PARD3: variants seen among roughly 807,000 people sequenced by gnomAD.
The protein encoded by PARD3 is par-3 family cell polarity regulator, also known as partitioning defective 3 homolog.
A neutral mutation model predicts 155.4 loss-of-function variants in PARD3; 75 were observed. The observed-to-expected ratio is 0.48, with a 90% CI of 0.40 to 0.58. The LOEUF (loss-of-function observed/expected upper bound fraction) is 0.58, where lower values mean the gene tolerates loss of function less well. Ranked by LOEUF, PARD3 falls within the 20% of genes least tolerant of loss-of-function variation. The probability of loss-of-function intolerance (pLI) is 0.00; values close to 1 mark genes in which losing one functional copy is unlikely to be tolerated. For synonymous variants in PARD3, 576 were observed against 610.5 expected, an observed-to-expected ratio of 0.94 and a Z score of 0.83; for missense variants, 1,642 against 1,721.7, an observed-to-expected ratio of 0.95 and a Z score of 0.82.
intron 5 of PARD3, among the ~76,000 whole-genome samples, chr10:34,446,823 C>T (rs938079022): frequency 2.0e-5 from 3 of 152,134 alleles, no homozygotes; most frequent in African/African-American, 7.2e-5. Context: ...TAATACCCTA[C>T]ATCCATGAAA....
At chr10:34,625,488 A>T (rs2132756886) in intron 2 of PARD3, among the ~76,000 whole-genome samples, 1 of 152,380 alleles carries the variant, frequency 6.6e-6, no homozygotes, top group Admixed American at 6.5e-5. Context: ...AGGTGGTTTT[A>T]GTCCATGCAC....
At position 34,521,714 on chromosome 10, in the gene PARD3, A is replaced by G. The variant is rs143078674; in HGVS notation, c.223-4555T>C. The stretch of plus-strand genomic sequence containing the variant: ...TACCTCAGGACAAGTCACTTTAACT[A>G]TGAAACATCAGAACCCCCCAACAGA... On this transcript the variant is annotated intron_variant, in intron 2 of 24. Transcript: ENST00000374788. Among the ~76,000 whole-genome samples the G allele has an allele frequency of 4.6e-5, 7 of 152,332 alleles. No homozygotes were observed. The East Asian group carries it at 1.2e-3, about 25-fold the overall frequency.
chr10:34,725,161 G>C (rs1378455838), intron 1 of PARD3, among the ~76,000 whole-genome samples: 2 of 150,690 alleles, frequency 1.3e-5, no homozygotes, highest in Non-Finnish European at 3.0e-5. Flanking sequence ...GACAGAGAGA[G>C]AGAGAGAGAG....
intron 2 of PARD3, among the ~76,000 whole-genome samples, chr10:34,597,473 G>T (rs1369476640): frequency 6.6e-6 from 1 of 151,676 alleles, no homozygotes; most frequent in Non-Finnish European, 1.5e-5. Context: ...TGTCACCCAG[G>T]CTGGAGTAGG....
At chr10:34,117,803 T>A (rs984522267) in intron 24 of PARD3, among the ~76,000 whole-genome samples, 1 of 152,082 alleles carries the variant, frequency 6.6e-6, no homozygotes, top group African/African-American at 2.4e-5. Flanking sequence ...CCCAGCTATT[T>A]GGGAGGCTAA....
At position 34,431,740 on chromosome 10, in the gene PARD3, C is replaced by CAAA. The variant is rs57001926; in HGVS notation, c.714+18574_714+18576dup. 6.3e-4 allele frequency among the ~76,000 whole-genome samples: 16 copies of CAAA among 25,200 alleles called. 1 individual carries two copies. The highest frequency in any genetic ancestry group is 1.8e-3 in the Admixed American group (2 of 1,088). The allele number at this position is 25,200 out of a possible 152,430, so 16.5% of individuals were successfully genotyped here. On this transcript the variant is annotated intron_variant, in intron 5 of 24. Transcript: ENST00000374788. ...GGGTGACAGGAGCAAAACTCTGTCTCAAAAAAAAAAAAAAAAAAAAAAAAA... is the reference window on the plus strand; with the variant it reads ...GGGTGACAGGAGCAAAACTCTGTCTCAAAAAAAAAAAAAAAAAAAAAAAAAAAA...
intron 18 of PARD3, 81 bp downstream of exon 18, chr10:34,336,118 C>G: frequency 1.0e-6 from 1 of 958,972 alleles, no homozygotes; most frequent in South Asian, 1.3e-5. Flanking sequence ...GTTTACATGG[C>G]ATATGATTGG....
intron 22 of PARD3, among the ~76,000 whole-genome samples, chr10:34,196,385 GA>G (rs1950934468): frequency 6.6e-6 from 1 of 152,000 alleles, no homozygotes; most frequent in African/African-American, 2.4e-5. Flanking sequence ...TAATATCTTG[GA>G]ATCTCCTTAT....
At chr10:34,586,694 C>A (rs142428247) in intron 2 of PARD3, among the ~76,000 whole-genome samples, 8 of 152,182 alleles carry the variant, frequency 5.3e-5, no homozygotes, top group Non-Finnish European at 8.8e-5. Context: ...GGCCTGTAAT[C>A]CCAACACTTT....
Position 34,482,032 on chromosome 10 carries a change from C to CTTTTTTTTTTTTTTT in PARD3, c.404-11784_404-11770dup, listed in dbSNP as rs58877037. Among the ~76,000 whole-genome samples, 39 of 101,578 alleles carry CTTTTTTTTTTTTTTT rather than the reference C, an allele frequency of 3.8e-4. 1 individual carries two copies. The highest frequency in any genetic ancestry group is 1.8e-3 in the African/African-American group (36 of 20,438). The allele number at this position is 101,578 out of a possible 152,430, so 66.6% of individuals were successfully genotyped here. A position where few individuals can be genotyped will look rare whatever the true frequency, so the allele number is the denominator to read the frequency against. On this transcript the variant is annotated intron_variant, in intron 3 of 24. Transcript: ENST00000374788. The stretch of plus-strand genomic sequence containing the variant: ...ACCACTGTGCCCTGCTAATTTTTAT[C>CTTTTTTTTTTTTTTT]TTTTTTTTTTTTTTTTTTTTGAAGC...
chr10:34,167,888 C>A (rs1489582228), intron 22 of PARD3, among the ~76,000 whole-genome samples: 4 of 152,090 alleles, frequency 2.6e-5, no homozygotes, highest in Non-Finnish European at 5.9e-5. Context: ...ACTCTTGATA[C>A]TAATTGAAAT....
At chr10:34,389,104 T>G (rs1213450647) in intron 7 of PARD3, among the ~76,000 whole-genome samples, 1 of 152,110 alleles carries the variant, frequency 6.6e-6, no homozygotes, top group African/African-American at 2.4e-5. Context: ...TAGTCTCCTA[T>G]ATTTTCTTCA....
intron 5 of PARD3, among the ~76,000 whole-genome samples, chr10:34,426,286 C>T (rs994225931): frequency 1.3e-5 from 2 of 152,110 alleles, no homozygotes; most frequent in African/African-American, 4.8e-5. Flanking sequence ...TAGCACAAAC[C>T]TTGGTACATG....
chr10:34,638,874 A>G (rs531191717), intron 2 of PARD3, among the ~76,000 whole-genome samples: 2 of 152,318 alleles, frequency 1.3e-5, no homozygotes, highest in South Asian at 4.1e-4. Context: ...CTTTGTTACT[A>G]TATACGTATG....
Position 34,606,659 on chromosome 10 carries a change from AAAAG to A in PARD3, c.223-89504_223-89501del, listed in dbSNP as rs1201775807. On this transcript the variant is annotated intron_variant, in intron 2 of 24. Coordinates refer to ENST00000374788, the MANE Select transcript of PARD3 (RefSeq NM_001184785.2). Reference sequence around the variant, plus strand: ...TCTTCAAAAAAAAAAAAAAAAAAAAAAAAGTCTGTCTATCAATAAGACAGCTCTG... The same window carrying A: ...TCTTCAAAAAAAAAAAAAAAAAAAAATCTGTCTATCAATAAGACAGCTCTG... 6.0e-5 allele frequency among the ~76,000 whole-genome samples: 8 copies of A among 133,620 alleles called. No homozygotes were observed. In the South Asian group the frequency reaches 9.8e-4, roughly 16 times the overall value. The allele number at this position is 133,620 out of a possible 152,430, so 87.7% of individuals were successfully genotyped here. A position where few individuals can be genotyped will look rare whatever the true frequency, so the allele number is the denominator to read the frequency against.
chr10:34,392,924 G>A (rs1842976495), intron 7 of PARD3, among the ~76,000 whole-genome samples: 1 of 151,972 alleles, frequency 6.6e-6, no homozygotes, highest in Non-Finnish European at 1.5e-5. Flanking sequence ...GTTCCCTAGG[G>A]CAAGGGCTGA....
chr10:34,722,705 A>G (rs570627033), intron 1 of PARD3, among the ~76,000 whole-genome samples: 2 of 152,324 alleles, frequency 1.3e-5, no homozygotes, highest in South Asian at 4.1e-4. Context: ...TTAACTTCAT[A>G]TATTTTGCCT....
chr10:34,330,474 A>G (rs1835495500), intron 19 of PARD3, among the ~76,000 whole-genome samples: 1 of 152,162 alleles, frequency 6.6e-6, no homozygotes, highest in Non-Finnish European at 1.5e-5. Flanking sequence ...GTTATAGGAA[A>G]GAATGAGTAA....
intron 22 of PARD3, among the ~76,000 whole-genome samples, chr10:34,192,198 G>A (rs539863181): frequency 1.4e-4 from 22 of 151,992 alleles, no homozygotes; most frequent in Non-Finnish European, 2.7e-4. Flanking sequence ...CTCCTGAGTA[G>A]TTGGGACTAC....
Sources: gnomAD v4.1 joint callset for allele counts (sites outside exome capture counted in the v4.1 genomes callset) on GRCh38, gnomAD v4.1.1 for gene constraint, MANE v1.5 for transcripts, NCBI Gene and HGNC (gene_info 2026-07-23, HGNC 2026-07-21) for gene names.